CERS3: variants seen among roughly 807,000 people sequenced by gnomAD.
CERS3 encodes ceramide synthase 3.
A neutral mutation model predicts 50.3 loss-of-function variants in CERS3; 33 were observed. The observed-to-expected ratio is 0.66, with a 90% confidence interval of 0.50 to 0.88. The LOEUF (loss-of-function observed/expected upper bound fraction) is 0.88, where lower values mean the gene tolerates loss of function less well. Ranked by LOEUF, CERS3 falls within the 40% of genes least tolerant of loss-of-function variation. CERS3 has a pLI of 0.00. For missense variants in CERS3, 470 were observed against 460.3 expected (o/e 1.02, Z -0.19); for synonymous variants, 176 against 155.2 (o/e 1.13, Z -0.99).
intron 3 of CERS3, among the ~76,000 whole-genome samples, chr15:100,498,747 T>A (rs1240707258): frequency 6.6e-6 from 1 of 152,144 alleles, no homozygotes; most frequent in East Asian, 1.9e-4. Flanking sequence ...AAGGAATGTA[T>A]CCCTAGGCAG....
intron 10 of CERS3, 22 bp from the exon 11 acceptor site, chr15:100,456,068 A>T (rs763834150): frequency 1.3e-6 from 2 of 1,579,036 alleles, no homozygotes; most frequent in South Asian, 2.3e-5. Flanking sequence ...AACAGTTGAG[A>T]GAATTTCATT....
intron 11 of CERS3, among the ~76,000 whole-genome samples, chr15:100,454,304 T>A (rs1254793148): frequency 6.7e-6 from 1 of 149,576 alleles, no homozygotes; most frequent in Admixed American, 6.8e-5. Context: ...GTGGGAGGGT[T>A]GTTTGAGCCT....
At chr15:100,434,838 A>T (rs2033320496) in intron 11 of CERS3, among the ~76,000 whole-genome samples, 1 of 152,236 alleles carries the variant, frequency 6.6e-6, no homozygotes, top group African/African-American at 2.4e-5. Context: ...TTCTCTACTA[A>T]TAAAAAGGAG....
At chr15:100,495,758 T>G (rs1030898016) in intron 3 of CERS3, among the ~76,000 whole-genome samples, 2 of 152,192 alleles carry the variant, frequency 1.3e-5, no homozygotes, top group African/African-American at 2.4e-5. Context: ...ACAGTAATGT[T>G]TCCTAAAAAG....
chr15:100,452,345 A>C (rs999913489), intron 11 of CERS3, among the ~76,000 whole-genome samples: 1 of 152,214 alleles, frequency 6.6e-6, no homozygotes, highest in African/African-American at 2.4e-5. Context: ...GTATGAATAC[A>C]TGGAAATTAA....
intron 11 of CERS3, among the ~76,000 whole-genome samples, chr15:100,451,383 C>T (rs940581761): frequency 6.6e-6 from 1 of 151,868 alleles, no homozygotes; most frequent in Admixed American, 6.6e-5. Flanking sequence ...ATGCTGCCTA[C>T]AAGAAGTTTA....
intron 3 of CERS3, among the ~76,000 whole-genome samples, chr15:100,497,197 A>T (rs772651196): frequency 6.6e-6 from 1 of 152,184 alleles, no homozygotes; most frequent in African/African-American, 2.4e-5. Context: ...GCATGGGGAA[A>T]AAAAGGAATT....
intron 11 of CERS3, among the ~76,000 whole-genome samples, chr15:100,406,602 C>A (rs1478791174): frequency 6.6e-6 from 1 of 152,140 alleles, no homozygotes; most frequent in Admixed American, 6.5e-5. Context: ...ATAAACTTGG[C>A]ATCTCCTCAG....
intron 3 of CERS3, among the ~76,000 whole-genome samples, chr15:100,497,796 TTTG>T (rs1221354206): frequency 4.0e-5 from 6 of 151,738 alleles, no homozygotes; most frequent in African/African-American, 1.5e-4. Context: ...TACAGTCCTC[TTTG>T]TTAACTTCAA....
chr15:100,493,686 A>G (rs72759142), intron 3 of CERS3, among the ~76,000 whole-genome samples: 6,294 of 152,102 alleles, frequency 0.041, 178 homozygotes, highest in Non-Finnish European at 0.055. Flanking sequence ...TCAAGTCTCT[A>G]AGACTATTTT....
intron 2 of CERS3, among the ~76,000 whole-genome samples, chr15:100,502,251 G>GAAAAAAAAAAAAAAAAAAA (rs58654483): frequency 3.5e-5 from 4 of 113,698 alleles, no homozygotes; most frequent in Non-Finnish European, 6.8e-5. Flanking sequence ...CTCAAAAAAA[G>GAAAAAAAAAAAAAAAAAAA]AAAAAAAAAA....
chr15:100,417,767 C>T lies in CERS3; in HGVS notation c.1000-14902G>A, dbSNP rs567886980. Among the ~76,000 whole-genome samples, 29 of 151,832 alleles carry T rather than the reference C, an allele frequency of 1.9e-4. 1 individual carries two copies. The highest frequency in any genetic ancestry group is 3.2e-4 in the Non-Finnish European group (22 of 68,038). On this transcript the variant is annotated intron_variant, in intron 11 of 11. Coordinates refer to ENST00000679737, the MANE Select transcript of CERS3 (RefSeq NM_001378789.1). ...GCAGACTGCCTCCTCAAGTAGGTCC[C>T]TGACCCCTGACCCCTGGGCAGCCTA...
At chr15:100,501,593 G>A in intron 3 of CERS3, 84 bp downstream of exon 3, 1 of 1,184,458 alleles carries the variant, frequency 8.4e-7, no homozygotes, top group Non-Finnish European at 1.2e-6. Context: ...GATTCTTTAA[G>A]GATCTCACTA....
At chr15:100,451,846 A>T (rs2034183789) in intron 11 of CERS3, among the ~76,000 whole-genome samples, 1 of 152,220 alleles carries the variant, frequency 6.6e-6, no homozygotes, top group South Asian at 2.1e-4. Context: ...TCAGATACAG[A>T]TAAAACAGAC....
At position 100,472,931 on chromosome 15, in the gene CERS3, C is replaced by T. The variant is rs1567644030; in HGVS notation, c.731G>A (p.Trp244Ter). 6.2e-7 allele frequency: 1 copy of T among 1,613,870 alleles called. No homozygotes were observed. Among genetic ancestry groups the T allele is most frequent in the African/African-American group, 1.3e-5 (1 of 74,996 alleles). Residue 244 changes from tryptophan to a stop codon, truncating the protein, a stop_gained, in exon 9 of 12, where the codon TGG becomes TAG. Coordinates refer to ENST00000679737, the MANE Select transcript of CERS3 (RefSeq NM_001378789.1). LOFTEE classifies it high-confidence loss of function. ...VMIVHDVADIWLESAKMFSYA... is the reference protein window; with the variant it reads ...VMIVHDVADI ...TTAATGGCAAACGTTTACCTCCAGCCAAATGTCAGCCACATCGTGTACAAT... is the reference window on the plus strand; with the variant it reads ...TTAATGGCAAACGTTTACCTCCAGCTAAATGTCAGCCACATCGTGTACAAT...
chr15:100,410,809 TG>T (rs1450706042), intron 11 of CERS3, among the ~76,000 whole-genome samples: 1 of 152,248 alleles, frequency 6.6e-6, no homozygotes, highest in Admixed American at 6.5e-5. Context: ...TTTAAATTTC[TG>T]TGGCAAAATG....
At chr15:100,525,234 T>G (rs1015620688) in intron 1 of CERS3, among the ~76,000 whole-genome samples, 4 of 152,148 alleles carry the variant, frequency 2.6e-5, no homozygotes, top group African/African-American at 9.7e-5. Flanking sequence ...AATATTTAAC[T>G]CAGAAAACAA....
upstream of CERS3, among the ~76,000 whole-genome samples, chr15:100,532,067 G>A (rs902197721): frequency 8.0e-6 from 1 of 124,892 alleles, no homozygotes; most frequent in Non-Finnish European, 1.8e-5. Context: ...AACTAGAAGA[G>A]GAAAACACAG....
intron 1 of CERS3, among the ~76,000 whole-genome samples, chr15:100,539,084 C>T (rs917712344): frequency 6.6e-6 from 1 of 152,182 alleles, no homozygotes; most frequent in African/African-American, 2.4e-5. Context: ...GCCTCTTTGC[C>T]AAAGCATAGC....
Sources: allele counts gnomAD v4.1 joint callset (sites outside exome capture counted in the v4.1 genomes callset), GRCh38; gene constraint gnomAD v4.1.1; transcripts MANE v1.5; gene names NCBI Gene and HGNC (gene_info 2026-07-23, HGNC 2026-07-21).